ABCC1: variants seen among roughly 807,000 people sequenced by gnomAD.
The protein encoded by ABCC1 is ATP binding cassette subfamily C member 1 (ABCC1 blood group), also known as multidrug resistance-associated protein 1.
A neutral mutation model predicts 172.9 loss-of-function variants in ABCC1; 83 were observed. The ratio of observed to expected loss-of-function variants is 0.48; its 90% CI spans 0.40 to 0.58. The LOEUF is 0.58. Ranked by LOEUF, ABCC1 falls within the 20% of genes least tolerant of loss-of-function variation. ABCC1 has a pLI of 0.00. For synonymous variants in ABCC1, 937 were observed against 825.2 expected (o/e 1.14, Z -2.32); for missense variants, 1,817 against 2,002.7 (o/e 0.91, Z 1.77).
At position 16,046,031 on chromosome 16, in the gene ABCC1, A is replaced by C. The variant is rs1011460879; in HGVS notation, c.1218+18A>C. ...ATCGGAAGGTAGGGGACGCTGTGCC[A>C]TTGGCATGTGGCCCGACTTCCACAT... On this transcript the variant is annotated intron_variant, in intron 9 of 30. Transcript: ENST00000399410. 6.2e-7 allele frequency: 1 copy of C among 1,612,834 alleles called. No homozygotes were observed. Among genetic ancestry groups the C allele is most frequent in the Non-Finnish European group, 8.5e-7 (1 of 1,179,382 alleles).
At chr16:15,957,143 G>A (rs937417086) in intron 1 of ABCC1, among the ~76,000 whole-genome samples, 3 of 151,498 alleles carry the variant, frequency 2.0e-5, no homozygotes, top group Non-Finnish European at 1.5e-5. Context: ...GCAGTGGCGC[G>A]ACCTCAGCTC....
At chr16:15,957,859 T>C (rs1315496976) in intron 1 of ABCC1, among the ~76,000 whole-genome samples, 2 of 152,248 alleles carry the variant, frequency 1.3e-5, no homozygotes, top group African/African-American at 4.8e-5. Flanking sequence ...CCTAAAGTGC[T>C]GGGATTACAG....
intron 22 of ABCC1, among the ~76,000 whole-genome samples, chr16:16,113,779 G>A (rs181432278): frequency 6.6e-6 from 1 of 152,290 alleles, no homozygotes; most frequent in Admixed American, 6.5e-5. Flanking sequence ...TAGCCTTTTT[G>A]GCACCAGGGA....
chr16:15,964,678 T>A (rs998086501), intron 1 of ABCC1, among the ~76,000 whole-genome samples: 17 of 152,026 alleles, frequency 1.1e-4, no homozygotes, highest in African/African-American at 3.4e-4. Flanking sequence ...TTTTTTTTTT[T>A]AATTTTTAAA....
chr16:16,087,274 G>C (rs1179649363), intron 18 of ABCC1, among the ~76,000 whole-genome samples: 2 of 152,130 alleles, frequency 1.3e-5, no homozygotes, highest in Non-Finnish European at 2.9e-5. Context: ...CTTCTTAGCG[G>C]GGAATCCCAC....
rs1187794382 is a variant in ABCC1 at position 16,102,629 on chromosome 16, G to C, written c.2647G>C (p.Val883Leu). 6.3e-7 allele frequency: 1 copy of C among 1,577,508 alleles called. No homozygotes were observed. The highest frequency in any genetic ancestry group is 1.3e-5 in the African/African-American group (1 of 74,300). Residue 883 changes from valine to leucine, a missense_variant and splice_region_variant, in exon 20 of 31, where the codon GTC (valine) becomes CTC (leucine). By Grantham distance (32) the Val-to-Leu change is conservative (BLOSUM62 1). This residue lies in a region of ABCC1 where 1,412 missense variants were observed against 1,600.3 expected (regional missense o/e 0.88). Transcript: ENST00000399410. ...CCCCTTTGTCTCTCTTCTGCCAGGGGTCACGGGCGTCAGCGGTCCAGGGAA... is the reference window on the plus strand; with the variant it reads ...CCCCTTTGTCTCTCTTCTGCCAGGGCTCACGGGCGTCAGCGGTCCAGGGAA... ...EQEQDAEENGVTGVSGPGKEA... is the reference protein window; with the variant it reads ...EQEQDAEENGLTGVSGPGKEA...
chr16:16,044,797 T>A (rs2049135087), intron 8 of ABCC1, 117 bp downstream of exon 8: 3 of 889,394 alleles, frequency 3.4e-6, no homozygotes, highest in African/African-American at 1.7e-5. Flanking sequence ...CATAGCCAGA[T>A]GTCTCCATTT....
At chr16:16,103,987 C>G (rs1344114670) in intron 20 of ABCC1, among the ~76,000 whole-genome samples, 1 of 152,094 alleles carries the variant, frequency 6.6e-6, no homozygotes, top group African/African-American at 2.4e-5. Flanking sequence ...TCGCTGGCCT[C>G]AGGAGTGAAG....
Position 16,106,799 on chromosome 16 carries a change from G to A in ABCC1, c.2797G>A (p.Glu933Lys). 1.2e-6 allele frequency: 2 copies of A among 1,614,170 alleles called. No individual in the cohort carries two copies. The highest frequency in any genetic ancestry group is 1.3e-5 in the African/African-American group (1 of 75,046). Residue 933 changes from glutamate to lysine, a missense_variant, in exon 21 of 31, where the codon GAA (glutamate) becomes AAA (lysine). By Grantham distance (56) the Glu-to-Lys change is moderately conservative (BLOSUM62 1). Coordinates refer to ENST00000399410, the MANE Select transcript of ABCC1 (RefSeq NM_004996.4). Reference sequence around the variant, plus strand: ...CAGCAGGCACCACAACAGCACCGCAGAACTGCAGAAAGCTGAGGCCAAGAA... The same window carrying A: ...CAGCAGGCACCACAACAGCACCGCAAAACTGCAGAAAGCTGAGGCCAAGAA... ...DISRHHNSTA[E>K]LQKAEAKKEE... is the part of the protein sequence containing the mutation.
intron 12 of ABCC1, among the ~76,000 whole-genome samples, chr16:16,057,251 C>T (rs1025587120): frequency 6.7e-6 from 1 of 149,668 alleles, no homozygotes; most frequent in Non-Finnish European, 1.5e-5. Flanking sequence ...CCCAGCTACT[C>T]AGGAGGCCGA....
chr16:16,126,861 G>A (rs1344037791), intron 26 of ABCC1, among the ~76,000 whole-genome samples: 4 of 152,148 alleles, frequency 2.6e-5, no homozygotes, highest in African/African-American at 9.7e-5. Context: ...ATGTAGCTGG[G>A]AACTGACCAA....
chr16:16,103,169 G>C (rs2051850622), intron 20 of ABCC1, among the ~76,000 whole-genome samples: 1 of 152,068 alleles, frequency 6.6e-6, no homozygotes, highest in African/African-American at 2.4e-5. Context: ...GGGTAACATA[G>C]CAAGACCTCA....
chr16:16,103,924 C>T (rs1054011001), intron 20 of ABCC1, among the ~76,000 whole-genome samples: 13 of 152,114 alleles, frequency 8.5e-5, no homozygotes, highest in Admixed American at 8.5e-4. Context: ...GGGTTTGTTC[C>T]TTCTGCTGTT....
intron 22 of ABCC1, 54 bp downstream of exon 22, chr16:16,111,636 T>C: frequency 6.6e-7 from 1 of 1,524,584 alleles, no homozygotes; most frequent in South Asian, 1.2e-5. Context: ...TGTGGCTTTG[T>C]CTAATTATAG....
At chr16:16,098,701 C>A (rs985174338) in intron 19 of ABCC1, among the ~76,000 whole-genome samples, 3 of 152,176 alleles carry the variant, frequency 2.0e-5, no homozygotes, top group Admixed American at 2.0e-4. Context: ...CCGGATCCAC[C>A]CAGCACGTGT....
intron 7 of ABCC1, among the ~76,000 whole-genome samples, chr16:16,040,751 T>C (rs1329271718): frequency 6.6e-6 from 1 of 151,068 alleles, no homozygotes; most frequent in East Asian, 2.0e-4. Context: ...GCCTCCCAAA[T>C]AGCTGGGATT....
Position 16,114,801 on chromosome 16 carries a change from A to G in ABCC1, c.3115A>G (p.Ile1039Val). 2.5e-6 allele frequency: 4 copies of G among 1,607,738 alleles called. No homozygotes were observed. The highest frequency in any genetic ancestry group is 3.4e-6 in the Non-Finnish European group (4 of 1,174,652). The change falls in exon 23 of 31, where the codon ATC becomes GTC. Residue 1039 changes from isoleucine to valine, a missense_variant. By Grantham distance (29) the Ile-to-Val change is conservative (BLOSUM62 3). Transcript: ENST00000399410. ...AVFGYSMAVS[I>V]GGILASRCLH... is the part of the protein sequence containing the mutation. Reference sequence around the variant, plus strand: ...GTTTGGCTACTCCATGGCCGTGTCCATCGGGGGGATCTTGGCTTCCCGCTG... The same window carrying G: ...GTTTGGCTACTCCATGGCCGTGTCCGTCGGGGGGATCTTGGCTTCCCGCTG...
intron 15 of ABCC1, among the ~76,000 whole-genome samples, chr16:16,078,299 C>T (rs549330118): frequency 1.2e-4 from 18 of 152,148 alleles, no homozygotes; most frequent in Non-Finnish European, 2.2e-4. Flanking sequence ...GAGGTGCCGT[C>T]GGCAGTGGGA....
chr16:16,043,347 G>A (rs909071917), intron 7 of ABCC1, among the ~76,000 whole-genome samples: 1 of 150,822 alleles, frequency 6.6e-6, no homozygotes, highest in African/African-American at 2.4e-5. Flanking sequence ...TGCCCAGGCT[G>A]GAGTGCAATG....
Sources: allele counts gnomAD v4.1 joint callset (sites outside exome capture counted in the v4.1 genomes callset), GRCh38; gene constraint gnomAD v4.1.1; regional missense constraint gnomAD v4.1.1; transcripts MANE v1.5; gene names NCBI Gene and HGNC (gene_info 2026-07-23, HGNC 2026-07-21).